The following U2SURP variants were observed in gnomAD, a reference collection of about 807,000 sequenced individuals.
U2SURP encodes the protein U2 snRNP associated SURP domain containing.
A neutral mutation model predicts 144.9 loss-of-function variants in U2SURP; 9 were observed. That is an observed-to-expected ratio of 0.06 (90% CI 0.04 to 0.11). The LOEUF is 0.11. U2SURP is among the 10% of genes least tolerant of loss of function. The pLI, the probability that U2SURP is intolerant of heterozygous loss-of-function variation, is 1.00. For synonymous variants in U2SURP, 408 were observed against 396.8 expected, an observed-to-expected ratio of 1.03 and a Z score of -0.33; for missense variants, 724 against 1,226.7, an observed-to-expected ratio of 0.59 and a Z score of 6.12.
intron 5 of U2SURP, 90 bp downstream of exon 5, chr3:143,016,461 T>C (rs1362572602): frequency 1.8e-5 from 21 of 1,141,142 alleles, no homozygotes; most frequent in Non-Finnish European, 1.3e-6. Context: ...TGCAGGTAGA[T>C]AATTATGAAA....
At chr3:143,002,681 A>C (rs1382276682) in intron 1 of U2SURP, among the ~76,000 whole-genome samples, 5 of 152,230 alleles carry the variant, frequency 3.3e-5, no homozygotes, top group Admixed American at 1.3e-4. Context: ...AATTTACGGT[A>C]GGAGAGAAGC....
intron 10 of U2SURP, 35 bp from the exon 11 acceptor site, chr3:143,022,462 T>C (rs1242845949): frequency 1.4e-6 from 2 of 1,437,908 alleles, no homozygotes; most frequent in Non-Finnish European, 1.8e-6. Context: ...TTTTCCCTTT[T>C]TTGCATAATA....
Position 143,021,385 on chromosome 3 carries a change from G to C in U2SURP, c.769G>C (p.Val257Leu), listed in dbSNP as rs1166022437. Residue 257 changes from valine to leucine, a missense_variant and splice_region_variant, in exon 9 of 28, where the codon GTT (valine) becomes CTT (leucine). Coordinates refer to ENST00000473835, the MANE Select transcript of U2SURP (RefSeq NM_001080415.2). ...APSRRNRSSGVLDDYAPGSHD... is the reference protein window; with the variant it reads ...APSRRNRSSGLLDDYAPGSHD... ...TTCAAGAAGAAATAGATCATCTGGTGGTAATACAGTTTTTTGCTCTTTTAA... is the reference window on the plus strand; with the variant it reads ...TTCAAGAAGAAATAGATCATCTGGTCGTAATACAGTTTTTTGCTCTTTTAA... The C allele has an allele frequency of 6.2e-7, 1 of 1,603,740 alleles. No homozygotes were observed. The highest frequency in any genetic ancestry group is 1.3e-5 in the African/African-American group (1 of 74,760).
At chr3:143,051,524 G>A (rs1023223219) in intron 25 of U2SURP, among the ~76,000 whole-genome samples, 10 of 146,762 alleles carry the variant, frequency 6.8e-5, no homozygotes, top group African/African-American at 1.0e-4. Context: ...TTATATTCTC[G>A]TGCATCACAA....
At chr3:143,027,891 A>G (rs1033544709) in intron 14 of U2SURP, among the ~76,000 whole-genome samples, 9 of 152,186 alleles carry the variant, frequency 5.9e-5, no homozygotes, top group Admixed American at 4.6e-4. Context: ...ACATTTCATT[A>G]TGCTTTTCAA....
At position 143,056,596 on chromosome 3, in the gene U2SURP, G is replaced by A. The variant is rs999047824; in HGVS notation, c.*146G>A. 2.1e-5 allele frequency: 17 copies of A among 819,998 alleles called. No individual in the cohort carries two copies. Among genetic ancestry groups the A allele is most frequent in the Non-Finnish European group, 3.0e-5 (16 of 535,760 alleles). The allele number at this position is 819,998 out of a possible 1,614,324, so 50.8% of individuals were successfully genotyped here. A position where few individuals can be genotyped will look rare whatever the true frequency, so the allele number is the denominator to read the frequency against. ...TGTGTATGCATGTGTAAACTCATGA[G>A]CAACTGCATCTGTAGATCTGTCATT... On this transcript the variant is annotated 3_prime_UTR_variant, in exon 28 of 28. Transcript: ENST00000473835.
chr3:143,011,886 A>G (rs960561098), intron 2 of U2SURP: 14 of 455,328 alleles, frequency 3.1e-5, no homozygotes, highest in Non-Finnish European at 4.7e-5. Context: ...ATGAAACACC[A>G]GTTTTACTTG....
chr3:143,044,016 G>A (rs1203974025), intron 24 of U2SURP, among the ~76,000 whole-genome samples: 2 of 151,988 alleles, frequency 1.3e-5, no homozygotes, highest in African/African-American at 2.4e-5. Flanking sequence ...GCCTCCCAAA[G>A]TGCTGGGATT....
Position 143,059,824 on chromosome 3 carries a change from C to T in U2SURP, c.*3374C>T, listed in dbSNP as rs10790. ...ATACTAGTATAAGTTTAAAGGAACA[C>T]GTGACTGTAAAATCTCACATTTACA... On this transcript the variant is annotated 3_prime_UTR_variant, in exon 28 of 28. Coordinates refer to ENST00000473835, the MANE Select transcript of U2SURP (RefSeq NM_001080415.2). 0.74 allele frequency: 111,901 copies of T among 152,218 alleles called. 42,181 individuals carry two copies. Among genetic ancestry groups the T allele is most frequent in the African/African-American group, 0.92 (38,304 of 41,544 alleles). 9.4% of individuals were successfully genotyped at this position (152,218 alleles called of 1,614,324 possible). A position where few individuals can be genotyped will look rare whatever the true frequency, so the allele number is the denominator to read the frequency against.
intron 13 of U2SURP, chr3:143,025,698 T>A (rs1308221914): frequency 2.0e-5 from 3 of 152,200 alleles, no homozygotes; most frequent in Non-Finnish European, 2.9e-5. Flanking sequence ...TTTAGTTTTT[T>A]GTTTTGACAA....
intron 18 of U2SURP, 196 bp from the exon 19 acceptor site, chr3:143,034,691 AG>A: frequency 2.1e-6 from 1 of 477,258 alleles, no homozygotes; most frequent in Non-Finnish European, 3.7e-6. Context: ...GGGAGTTTGT[AG>A]GAGAAAAATT....
intron 24 of U2SURP, among the ~76,000 whole-genome samples, chr3:143,043,643 TTTA>T (rs747423098): frequency 1.3e-5 from 2 of 152,164 alleles, no homozygotes; most frequent in Admixed American, 6.5e-5. Flanking sequence ...CTGTTTTCTC[TTTA>T]TCATTGTATG....
chr3:143,038,308 C>G, intron 22 of U2SURP, 105 bp downstream of exon 22: 1 of 784,938 alleles, frequency 1.3e-6, no homozygotes, highest in Non-Finnish European at 1.9e-6. Context: ...CACGTTTTAA[C>G]CTTAATGCTC....
intron 11 of U2SURP, 58 bp downstream of exon 11, chr3:143,022,720 G>A: frequency 6.6e-7 from 1 of 1,520,450 alleles, no homozygotes; most frequent in Non-Finnish European, 8.8e-7. Context: ...GTTTGGAAAA[G>A]TATTTATAAA....
chr3:143,048,855 G>GT (rs1934684755), intron 24 of U2SURP, among the ~76,000 whole-genome samples: 1 of 152,088 alleles, frequency 6.6e-6, no homozygotes, highest in African/African-American at 2.4e-5. Flanking sequence ...GGGTGACAGC[G>GT]TGAGACACCG....
chr3:143,009,543 AGCCGAGGTC>A (rs2108270060), intron 1 of U2SURP, among the ~76,000 whole-genome samples: 1 of 152,006 alleles, frequency 6.6e-6, no homozygotes, highest in Non-Finnish European at 1.5e-5. Flanking sequence ...GGCTGCAGTG[AGCCGAGGTC>A]GCGCCACTGT....
intron 24 of U2SURP, 123 bp downstream of exon 24, chr3:143,043,399 C>T: frequency 2.9e-6 from 3 of 1,040,280 alleles, no homozygotes; most frequent in Non-Finnish European, 2.7e-6. Context: ...TAGAACTCTT[C>T]ATACCAGATG....
chr3:143,006,527 G>A (rs113460983), intron 1 of U2SURP, among the ~76,000 whole-genome samples: 3 of 152,170 alleles, frequency 2.0e-5, no homozygotes, highest in South Asian at 4.1e-4. Flanking sequence ...AGGCCAAGGC[G>A]GGTGGATCAC....
Position 143,019,971 on chromosome 3 carries a change from A to C in U2SURP, c.573A>C (p.Pro191=). The C allele has an allele frequency of 2.0e-6, 3 of 1,508,122 alleles. No individual in the cohort carries two copies. The highest frequency in any genetic ancestry group is 2.7e-6 in the Non-Finnish European group (3 of 1,119,828). 93.4% of individuals were successfully genotyped at this position (1,508,122 alleles called of 1,614,324 possible). The change falls in exon 7 of 28, where the codon CCA becomes CCC. Residue 191 remains proline (P), a splice_region_variant and synonymous_variant. Transcript: ENST00000473835. ...SLLVIETKKP[P]LKKGEKEKKK... is the part of the protein sequence containing the mutation. ...ATAACTTGTCATATCCTTTATAGCC[A>C]CTTAAAAAAGGAGAGAAAGAAAAGA...
Sources: allele counts gnomAD v4.1 joint callset (sites outside exome capture counted in the v4.1 genomes callset), GRCh38; gene constraint gnomAD v4.1.1; transcripts MANE v1.5; gene names NCBI Gene and HGNC (gene_info 2026-07-23, HGNC 2026-07-21).